Variants in CMTM1 observed in about 807,000 individuals in gnomAD.
The protein encoded by CMTM1 is CKLF like MARVEL transmembrane domain containing 1.
CMTM1 carries 16 observed loss-of-function variants against 17.8 expected under a neutral mutation model. The observed-to-expected ratio is 0.90, with a 90% CI of 0.61 to 1.37. The LOEUF is 1.37. Ranked by LOEUF, CMTM1 falls within the 40% of genes most tolerant of loss-of-function variation. The probability of loss-of-function intolerance (pLI) is 0.00; values close to 1 mark genes in which losing one functional copy is unlikely to be tolerated. For synonymous variants in CMTM1, 169 were observed against 154.6 expected, an observed-to-expected ratio of 1.09 and a Z score of -0.69; for missense variants, 354 against 375.6, an observed-to-expected ratio of 0.94 and a Z score of 0.47.
At chr16:66,567,147 A>ATTTT in intron 1 of CMTM1, 2 of 562,716 alleles carry the variant, frequency 3.6e-6, no homozygotes, top group South Asian at 4.2e-5. Flanking sequence ...TTTTTTCCCT[A>ATTTT]TTTTTTCTTT....
Position 66,566,717 on chromosome 16 carries a change from T to C in CMTM1, c.204T>C (p.Arg68=), listed in dbSNP as rs1234692146. The change falls in exon 1 of 4, where the codon CGT becomes CGC. Residue 68 remains arginine (R), a synonymous_variant. Coordinates refer to ENST00000379500, the MANE Select transcript of CMTM1 (RefSeq NM_052999.4). The surrounding 1 kb of genome is among the most constrained non-coding windows in gnomAD (Gnocchi z 4.9). The part of the protein sequence containing the change: ...IRSAQSAAAA[R]PQGSEGTAPS... Reference sequence around the variant, plus strand: ...GTGCGCAGTCCGCAGCCGCCGCACGTCCCCAAGGCAGTGAGGGCACCGCAC... The same window carrying C: ...GTGCGCAGTCCGCAGCCGCCGCACGCCCCCAAGGCAGTGAGGGCACCGCAC... 6.2e-7 allele frequency: 1 copy of C among 1,613,624 alleles called. No homozygotes were observed. Among genetic ancestry groups the C allele is most frequent in the East Asian group, 2.2e-5 (1 of 44,860 alleles).
intron 2 of CMTM1, among the ~76,000 whole-genome samples, chr16:66,576,015 C>T (rs2014187625): frequency 6.6e-6 from 1 of 152,224 alleles, no homozygotes; most frequent in South Asian, 2.1e-4. Context: ...GGAAACCCAG[C>T]CACTGCTCAC....
intron 1 of CMTM1, 32 bp from the exon 2 acceptor site, chr16:66,569,904 C>G: frequency 6.6e-7 from 1 of 1,522,704 alleles, no homozygotes; most frequent in Non-Finnish European, 8.9e-7. Context: ...TTAAATCATG[C>G]ATTAAAACAA....
chr16:66,577,746 T>C (rs1262402385), intron 3 of CMTM1, among the ~76,000 whole-genome samples: 1 of 152,260 alleles, frequency 6.6e-6, no homozygotes, highest in Non-Finnish European at 1.5e-5. Flanking sequence ...GAACTGAGGT[T>C]AAATACCTTG....
intron 1 of CMTM1, chr16:66,567,172 T>C: frequency 6.7e-6 from 4 of 599,876 alleles, no homozygotes; most frequent in Non-Finnish European, 1.2e-5. Context: ...TTTTTTTTTA[T>C]TATACTTTAA....
rs1366678025 is a variant in CMTM1, at chr16:66,578,865, T to C, written c.725T>C (p.Ile242Thr). 3 of 1,614,198 alleles carry C rather than the reference T, an allele frequency of 1.9e-6. No homozygotes were observed. The highest frequency in any genetic ancestry group is 2.5e-6 in the Non-Finnish European group (3 of 1,180,034). ...LCLTAVIVCC[I>T]DAFVVTTKMR... ...CTCACAGCGGTAATCGTGTGTTGCA[T>C]CGATGCGTTTGTGGTCACCACGAAG... Residue 242 changes from isoleucine to threonine, a missense_variant, in exon 4 of 4, where the codon ATC (isoleucine) becomes ACC (threonine). By Grantham distance (89) the Ile-to-Thr change is moderately conservative (BLOSUM62 -1). Coordinates refer to ENST00000379500, the MANE Select transcript of CMTM1 (RefSeq NM_052999.4).
At chr16:66,574,944 A>C (rs1597174243) in intron 2 of CMTM1, 1 of 985,130 alleles carries the variant, frequency 1.0e-6, no homozygotes, top group Non-Finnish European at 1.2e-6. Context: ...CCTCAGGTGT[A>C]AGCTTCCTGC....
chr16:66,571,980 A>T (rs1341225036), intron 2 of CMTM1, among the ~76,000 whole-genome samples: 1 of 152,220 alleles, frequency 6.6e-6, no homozygotes, highest in Non-Finnish European at 1.5e-5. Flanking sequence ...GCAGGGTTAC[A>T]GGCCTTTGGT....
At chr16:66,577,833 G>A (rs2014435687) in intron 3 of CMTM1, among the ~76,000 whole-genome samples, 1 of 152,220 alleles carries the variant, frequency 6.6e-6, no homozygotes. Flanking sequence ...TCAGGGGGTT[G>A]GGAGGGGAGG....
intron 2 of CMTM1, 106 bp from the exon 3 acceptor site, chr16:66,576,998 A>G (rs1387729727): frequency 1.1e-6 from 1 of 926,094 alleles, no homozygotes; most frequent in Non-Finnish European, 1.6e-6. Flanking sequence ...AATCAAATGG[A>G]AGGTTTTTTA....
At chr16:66,576,163 G>C (rs1306249798) in intron 2 of CMTM1, among the ~76,000 whole-genome samples, 1 of 152,148 alleles carries the variant, frequency 6.6e-6, no homozygotes, top group Non-Finnish European at 1.5e-5. Flanking sequence ...TTGGGAGGCC[G>C]AGGCGGGTGG....
At position 66,577,093 on chromosome 16, in the gene CMTM1, C is replaced by G; in HGVS notation, c.592-11C>G. 1 of 1,604,790 alleles carries G rather than the reference C, an allele frequency of 6.2e-7. No individual in the cohort carries two copies. The highest frequency in any genetic ancestry group is 8.5e-7 in the Non-Finnish European group (1 of 1,174,560). On this transcript the variant is annotated splice_polypyrimidine_tract_variant and intron_variant, in intron 2 of 3. Coordinates refer to ENST00000379500, the MANE Select transcript of CMTM1 (RefSeq NM_052999.4). The stretch of plus-strand genomic sequence containing the variant: ...TGTGTAAACTTGATAATTTTCAATT[C>G]TTTATTACAGGATCTTACCAACAGT...
intron 1 of CMTM1, among the ~76,000 whole-genome samples, chr16:66,569,311 A>C (rs1193014976): frequency 6.6e-6 from 1 of 152,256 alleles, no homozygotes; most frequent in African/African-American, 2.4e-5. Flanking sequence ...GAACTTGACC[A>C]ACACAAACAT....
At chr16:66,577,315 C>T (rs2014369527) in intron 3 of CMTM1, 113 bp downstream of exon 3, 1 of 752,184 alleles carries the variant, frequency 1.3e-6, no homozygotes, top group East Asian at 2.7e-5. Context: ...CTGCCACCCA[C>T]TCTCCTTCTT....
At position 66,566,987 on chromosome 16, in the gene CMTM1, C is replaced by T. The variant is rs201650064; in HGVS notation, c.432+42C>T. On this transcript the variant is annotated intron_variant, in intron 1 of 3. Coordinates refer to ENST00000379500, the MANE Select transcript of CMTM1 (RefSeq NM_052999.4). This position sits in a 1 kb window ranked among gnomAD's most constrained non-coding sequence, Gnocchi z 4.9. ...TGAGACCTAGCTGGGCGGATGTGGC[C>T]GGCAGTGGCCTCGGGGAAATGCCCA... 4 of 1,606,806 alleles carry T rather than the reference C, an allele frequency of 2.5e-6. No individual in the cohort carries two copies. The highest frequency in any genetic ancestry group is 1.3e-5 in the African/African-American group (1 of 74,760).
chr16:66,569,165 T>C (rs1370054769), intron 1 of CMTM1, among the ~76,000 whole-genome samples: 1 of 152,240 alleles, frequency 6.6e-6, no homozygotes, highest in African/African-American at 2.4e-5. Context: ...CTGAGAGATA[T>C]TTTTTAAAAA....
intron 1 of CMTM1, chr16:66,567,153 T>TA: frequency 1.6e-6 from 1 of 625,862 alleles, no homozygotes; most frequent in Non-Finnish European, 2.7e-6. Context: ...CCCTATTTTT[T>TA]CTTTTTTTTT....
intron 2 of CMTM1, among the ~76,000 whole-genome samples, chr16:66,576,167 C>A (rs776029989): frequency 6.6e-6 from 1 of 152,090 alleles, no homozygotes; most frequent in Non-Finnish European, 1.5e-5. Flanking sequence ...GAGGCCGAGG[C>A]GGGTGGATCA....
In CMTM1 at chr16:66,576,705, T is replaced by A. The variant is rs1433320039; in HGVS notation, c.592-399T>A. Among the ~76,000 whole-genome samples, 4 of 152,296 alleles carry A rather than the reference T, an allele frequency of 2.6e-5. No individual in the cohort carries two copies. The East Asian group carries it at 7.7e-4, about 29-fold the overall frequency. On this transcript the variant is annotated intron_variant, in intron 2 of 3. Transcript: ENST00000379500. ...TTTTTATATTAAAACAAATGAGTTA[T>A]GGAATAGAATGCAGAATTTACATTA...
Sources: allele counts gnomAD v4.1 joint callset (sites outside exome capture counted in the v4.1 genomes callset), GRCh38; gene constraint gnomAD v4.1.1; non-coding constraint Gnocchi (gnomAD v3.1); transcripts MANE v1.5; gene names NCBI Gene and HGNC (gene_info 2026-07-23, HGNC 2026-07-21).